Variants in PRSS48 observed in about 807,000 individuals in gnomAD.
PRSS48 encodes the protein epidermis-specific serine protease-like protein.
A neutral mutation model predicts 25.6 loss-of-function variants in PRSS48; 21 were observed. The observed-to-expected ratio is 0.82, with a 90% CI of 0.58 to 1.18. PRSS48 has a LOEUF of 1.18. Ranked by LOEUF, PRSS48 falls within the 50% of genes most tolerant of loss-of-function variation. PRSS48 has a pLI of 0.00. For synonymous variants in PRSS48, 150 were observed against 149.3 expected (o/e 1.00, Z -0.04); for missense variants, 373 against 399.3 (o/e 0.93, Z 0.56).
At chr4:151,278,453 G>GAA in intron 1 of PRSS48, among the ~76,000 whole-genome samples, 1 of 141,992 alleles carries the variant, frequency 7.0e-6, no homozygotes, top group East Asian at 2.1e-4. Context: ...CCCAAAAGAA[G>GAA]AAAAAAAAAA....
chr4:151,282,718 T>C (rs74434272), intron 3 of PRSS48, among the ~76,000 whole-genome samples: 3,470 of 152,314 alleles, frequency 0.023, 55 homozygotes, highest in Middle Eastern at 0.065. Flanking sequence ...GAGCGTCTAG[T>C]GTTTTTTAAC....
rs1466411207 is a variant in PRSS48 at position 151,282,172 on chromosome 4, T to C, written c.240T>C (p.Thr80=). ...GGACCTGGACTACTTTTTCATATAC[T>C]GTGTGGCTAGGATCGATTACAGTAG... Residue 80 remains threonine, a synonymous_variant, in exon 3 of 5, where the codon ACT becomes ACC. Transcript: ENST00000455694. 5 of 1,613,916 alleles carry C rather than the reference T, an allele frequency of 3.1e-6. No individual in the cohort carries two copies. The South Asian group carries it at 4.4e-5, about 14-fold the overall frequency.
chr4:151,286,633 G>T (rs1340431035), intron 4 of PRSS48, among the ~76,000 whole-genome samples: 1 of 147,126 alleles, frequency 6.8e-6, no homozygotes, highest in Non-Finnish European at 1.5e-5. Flanking sequence ...AGAAATAAAA[G>T]ACCAGGTCCA....
chr4:151,289,262 G>A (rs1417560110), intron 4 of PRSS48, among the ~76,000 whole-genome samples: 1 of 152,170 alleles, frequency 6.6e-6, no homozygotes, highest in African/African-American at 2.4e-5. Flanking sequence ...AAATATAAGA[G>A]CTAAACTATA....
chr4:151,277,997 C>T (rs887972112), intron 1 of PRSS48, among the ~76,000 whole-genome samples: 1 of 152,228 alleles, frequency 6.6e-6, no homozygotes, highest in African/African-American at 2.4e-5. Flanking sequence ...GCCGAGATAG[C>T]GCCACTGCAC....
exon 5 of PRSS48, chr4:151,291,157 G>C (rs1389937082): frequency 2.5e-6 from 4 of 1,613,704 alleles, no homozygotes; most frequent in Non-Finnish European, 3.4e-6. Context: ...CATTGATGGT[G>C]TATGGATCCA....
intron 4 of PRSS48, among the ~76,000 whole-genome samples, chr4:151,287,341 CAA>C (rs34944826): frequency 7.2e-4 from 59 of 82,362 alleles, no homozygotes; most frequent in Admixed American, 1.1e-3. Flanking sequence ...ACTCTGTCTC[CAA>C]AAAAAAAAAA....
chr4:151,291,478 C>CTGGG (rs746361285), downstream of PRSS48: 269 of 1,444,926 alleles, frequency 1.9e-4, 1 homozygote, highest in African/African-American at 3.4e-3. Flanking sequence ...ACTGCTAACC[C>CTGGG]TGGGTGACTT....
At chr4:151,277,897 C>T (rs760361607) in intron 1 of PRSS48, among the ~76,000 whole-genome samples, 72 of 151,952 alleles carry the variant, frequency 4.7e-4, no homozygotes, top group African/African-American at 1.5e-3. Flanking sequence ...AAAAATTAGC[C>T]GGGCGTGGTG....
intron 4 of PRSS48, among the ~76,000 whole-genome samples, chr4:151,286,982 A>AAAAT (rs1554067297): frequency 7.1e-6 from 1 of 141,834 alleles, no homozygotes; most frequent in Non-Finnish European, 1.5e-5. Context: ...TCTGTCTCAA[A>AAAAT]AATAATAATA....
chr4:151,277,302 A>G, intron 1 of PRSS48, 78 bp downstream of exon 1: 5 of 1,154,026 alleles, frequency 4.3e-6, no homozygotes, highest in Non-Finnish European at 5.8e-6. Flanking sequence ...ACAATGTGAC[A>G]CTTCACCCAT....
chr4:151,280,818 C>A (rs1486459269), intron 2 of PRSS48, among the ~76,000 whole-genome samples: 2 of 151,704 alleles, frequency 1.3e-5, no homozygotes, highest in Non-Finnish European at 2.9e-5. Flanking sequence ...TAAAAAAAAA[C>A]TCAAAGAAAA....
chr4:151,286,550 T>C (rs978124868), intron 4 of PRSS48, among the ~76,000 whole-genome samples: 5 of 146,480 alleles, frequency 3.4e-5, no homozygotes, highest in South Asian at 2.1e-4. Flanking sequence ...TAAGAAGAAA[T>C]AGATGGTCTG....
At chr4:151,288,722 AATGAATAATCT>A (rs1296717277) in intron 4 of PRSS48, among the ~76,000 whole-genome samples, 2 of 152,092 alleles carry the variant, frequency 1.3e-5, no homozygotes, top group Non-Finnish European at 1.5e-5. Context: ...ATGCAGTTGC[AATGAATAATCT>A]AAGGAAACAT....
intron 4 of PRSS48, among the ~76,000 whole-genome samples, chr4:151,286,199 A>C (rs183180650): frequency 0.012 from 1,823 of 149,240 alleles, 41 homozygotes; most frequent in African/African-American, 0.036. Context: ...AAAAAAAAAA[A>C]AAAAACAACT....
At chr4:151,288,349 T>C (rs924608680) in intron 4 of PRSS48, among the ~76,000 whole-genome samples, 1 of 152,140 alleles carries the variant, frequency 6.6e-6, no homozygotes, top group Non-Finnish European at 1.5e-5. Context: ...TAGTCACAGA[T>C]GACATGATTT....
chr4:151,283,124 T>C (rs1463812390), exon 4 of PRSS48: 1 of 1,613,714 alleles, frequency 6.2e-7, no homozygotes, highest in South Asian at 1.1e-5. Context: ...CAGATAGAGA[T>C]TACCATTCTG....
intron 1 of PRSS48, chr4:151,279,166 G>A (rs1334900113): frequency 9.9e-6 from 4 of 402,368 alleles, no homozygotes; most frequent in African/African-American, 6.4e-5. Flanking sequence ...TCTACAACAC[G>A]TCTTGAGTAT....
chr4:151,278,555 C>A (rs950800282), intron 1 of PRSS48, among the ~76,000 whole-genome samples: 1 of 152,114 alleles, frequency 6.6e-6, no homozygotes, highest in African/African-American at 2.4e-5. Flanking sequence ...TACTTCTGTG[C>A]CTTATCTCTG....
Sources: gnomAD v4.1 joint callset for allele counts (sites outside exome capture counted in the v4.1 genomes callset) on GRCh38, gnomAD v4.1.1 for gene constraint, MANE v1.5 for transcripts, NCBI Gene and HGNC (gene_info 2026-07-23, HGNC 2026-07-21) for gene names.